The following CNBD1 variants were observed in gnomAD, a reference collection of about 807,000 sequenced individuals.
CNBD1 encodes cyclic nucleotide binding domain containing 1.
A neutral mutation model predicts 54.4 loss-of-function variants in CNBD1; 71 were observed. The observed-to-expected ratio is 1.30, with a 90% confidence interval of 1.08 to 1.59. The LOEUF is 1.59. Among genes scored for constraint, CNBD1 ranks in the 40% most tolerant of loss-of-function variants. The pLI, the probability that CNBD1 is intolerant of heterozygous loss-of-function variation, is 0.00. For synonymous variants in CNBD1, 182 were observed against 170.7 expected (o/e 1.07, Z -0.51); for missense variants, 659 against 518.0 (o/e 1.27, Z -2.64).
At chr8:86,975,146 C>T (rs920583281) in intron 4 of CNBD1, among the ~76,000 whole-genome samples, 1 of 151,856 alleles carries the variant, frequency 6.6e-6, no homozygotes, top group South Asian at 2.1e-4. Flanking sequence ...TTTTGTATGG[C>T]TTACAGTGTG....
intron 4 of CNBD1, among the ~76,000 whole-genome samples, chr8:87,171,826 A>G (rs1813094738): frequency 6.6e-6 from 1 of 151,824 alleles, no homozygotes; most frequent in African/African-American, 2.4e-5. Context: ...TTTGCTAGAA[A>G]TGGGGTTTCA....
chr8:87,256,962 C>T (rs1400344531), intron 6 of CNBD1, among the ~76,000 whole-genome samples: 2 of 151,966 alleles, frequency 1.3e-5, no homozygotes, highest in African/African-American at 4.8e-5. Context: ...CCTCAGTGAA[C>T]CACAAAAAGC....
At chr8:87,031,349 G>T (rs16896367) in intron 4 of CNBD1, among the ~76,000 whole-genome samples, 3,498 of 152,164 alleles carry the variant, frequency 0.023, 136 homozygotes, top group African/African-American at 0.078. Context: ...TGCTTTCATA[G>T]TAAGGCAAGT....
At chr8:87,302,322 G>A (rs1037058320) in intron 8 of CNBD1, among the ~76,000 whole-genome samples, 14 of 152,170 alleles carry the variant, frequency 9.2e-5, no homozygotes, top group Admixed American at 7.9e-4. Flanking sequence ...TGGGATGCAA[G>A]GCTGGTTCAA....
chr8:87,260,759 G>C (rs146257395), intron 6 of CNBD1, among the ~76,000 whole-genome samples: 10 of 151,960 alleles, frequency 6.6e-5, no homozygotes, highest in African/African-American at 2.4e-4. Flanking sequence ...TCACTGTGTT[G>C]TTGTTCATTT....
chr8:87,425,853 C>G (rs1367047950), intron 2 of CNBD1, among the ~76,000 whole-genome samples: 3 of 152,196 alleles, frequency 2.0e-5, no homozygotes, highest in African/African-American at 7.2e-5. Context: ...CCACCCAGTT[C>G]GAGCTTCCCA....
At chr8:86,907,981 A>C (rs1235265003) in intron 3 of CNBD1, among the ~76,000 whole-genome samples, 1 of 152,234 alleles carries the variant, frequency 6.6e-6, no homozygotes, top group African/African-American at 2.4e-5. Context: ...TATATTTAAC[A>C]CTGTAATTCA....
chr8:87,296,623 A>G (rs1474477339), intron 8 of CNBD1, among the ~76,000 whole-genome samples: 4 of 130,098 alleles, frequency 3.1e-5, no homozygotes, highest in Non-Finnish European at 6.9e-5. Flanking sequence ...ATATACACAT[A>G]TATATACATA....
intron 6 of CNBD1, among the ~76,000 whole-genome samples, chr8:87,272,257 A>G (rs1479416771): frequency 6.6e-6 from 1 of 152,052 alleles, no homozygotes; most frequent in African/African-American, 2.4e-5. Flanking sequence ...TAGATAAAAA[A>G]TAAATATTTA....
chr8:87,223,054 CTTTT>C (rs34784758), intron 5 of CNBD1, among the ~76,000 whole-genome samples: 1 of 138,000 alleles, frequency 7.2e-6, no homozygotes, highest in Non-Finnish European at 1.6e-5. Context: ...TCTGATTTTT[CTTTT>C]TTTTTTTTTT....
chr8:87,218,448 C>T (rs879466098), intron 5 of CNBD1, among the ~76,000 whole-genome samples: 5 of 152,042 alleles, frequency 3.3e-5, no homozygotes, highest in South Asian at 2.1e-4. Flanking sequence ...CCACATATCA[C>T]GGTGCCATTC....
At chr8:86,867,771 C>T (rs955597703) in intron 1 of CNBD1, among the ~76,000 whole-genome samples, 5 of 152,118 alleles carry the variant, frequency 3.3e-5, no homozygotes, top group South Asian at 2.1e-4. Context: ...CCAGGAAACT[C>T]GGTAGCTGGG....
At chr8:87,104,411 T>C (rs1374004701) in intron 4 of CNBD1, among the ~76,000 whole-genome samples, 5 of 152,204 alleles carry the variant, frequency 3.3e-5, no homozygotes, top group South Asian at 2.1e-4. Context: ...AAGACATGCA[T>C]AGATAGTCTA....
chr8:87,071,503 C>T (rs951091494), intron 4 of CNBD1, among the ~76,000 whole-genome samples: 1 of 152,070 alleles, frequency 6.6e-6, no homozygotes, highest in Non-Finnish European at 1.5e-5. Context: ...GCAAGACAGT[C>T]TTAATATTGA....
At chr8:86,886,551 A>G (rs548756554) in intron 1 of CNBD1, among the ~76,000 whole-genome samples, 1 of 152,296 alleles carries the variant, frequency 6.6e-6, no homozygotes, top group South Asian at 2.1e-4. Flanking sequence ...GTTATTGGTG[A>G]TTAAAACCAA....
intron 8 of CNBD1, among the ~76,000 whole-genome samples, chr8:87,321,113 A>G (rs757511102): frequency 1.4e-4 from 20 of 146,232 alleles, no homozygotes; most frequent in Non-Finnish European, 2.7e-4. Flanking sequence ...AGTTTCCACC[A>G]CCTGGCCATT....
At chr8:86,905,054 C>T (rs979107677) in intron 2 of CNBD1, 27 bp from the exon 3 acceptor site, 4 of 1,406,464 alleles carry the variant, frequency 2.8e-6, no homozygotes, top group African/African-American at 1.4e-5. Context: ...ATGACACTTA[C>T]AATTTAATTT....
chr8:86,893,531 A>C (rs907347239), intron 2 of CNBD1, among the ~76,000 whole-genome samples: 1 of 152,178 alleles, frequency 6.6e-6, no homozygotes, highest in African/African-American at 2.4e-5. Flanking sequence ...GATAATCGCT[A>C]GGATTTCATT....
intron 8 of CNBD1, among the ~76,000 whole-genome samples, chr8:87,319,773 T>G (rs1409471684): frequency 6.6e-6 from 1 of 151,890 alleles, no homozygotes; most frequent in African/African-American, 2.4e-5. Context: ...AGTAGTAGGG[T>G]TTGAATTAAC....
Sources: allele counts gnomAD v4.1 joint callset (sites outside exome capture counted in the v4.1 genomes callset), GRCh38; gene constraint gnomAD v4.1.1; transcripts MANE v1.5; gene names NCBI Gene and HGNC (gene_info 2026-07-23, HGNC 2026-07-21).